PCDHGA4: variants seen among roughly 807,000 people sequenced by gnomAD.
PCDHGA4 encodes protocadherin gamma subfamily A, 4.
Under a neutral mutation model 54.6 loss-of-function variants are expected in PCDHGA4, and 38 were observed. The ratio of observed to expected loss-of-function variants is 0.70; its 90% CI spans 0.54 to 0.91. PCDHGA4 has a LOEUF of 0.91. Ranked by LOEUF, PCDHGA4 falls within the 40% of genes least tolerant of loss-of-function variation. PCDHGA4 has a pLI of 0.00. For synonymous variants in PCDHGA4, 511 were observed against 512.9 expected (o/e 1.00, Z 0.05); for missense variants, 1,298 against 1,220.9 (o/e 1.06, Z -0.94).
chr5:141,456,800 TA>T (rs1038857337), intron 1 of PCDHGA4, among the ~76,000 whole-genome samples: 2 of 151,846 alleles, frequency 1.3e-5, no homozygotes, highest in African/African-American at 4.8e-5. Flanking sequence ...CCATCTCTAC[TA>T]AAAATACAAA....
In PCDHGA4 at chr5:141,423,113, C is replaced by G. The variant is rs2096710947; in HGVS notation, c.2514+65492C>G. On this transcript the variant is annotated intron_variant, in intron 1 of 3. Coordinates refer to ENST00000571252, the MANE Select transcript of PCDHGA4 (RefSeq NM_018917.4). The stretch of plus-strand genomic sequence containing the variant: ...GGGGAGCACACGGGCGAGGTGCGTA[C>G]AGCGCGGGCACTGCTGGACAGAGAC... The G allele has an allele frequency of 1.9e-6, 3 of 1,613,702 alleles. No homozygotes were observed. The highest frequency in any genetic ancestry group is 2.5e-6 in the Non-Finnish European group (3 of 1,179,992).
chr5:141,381,826 C>CTTTTTTTTTTTTTTT (rs770630741), intron 1 of PCDHGA4, among the ~76,000 whole-genome samples: 9 of 74,290 alleles, frequency 1.2e-4, no homozygotes, highest in Middle Eastern at 7.9e-3. Flanking sequence ...CTTTCTTCTT[C>CTTTTTTTTTTTTTTT]TTTTTTTTTT....
At chr5:141,392,691 AC>A in intron 1 of PCDHGA4, 1 of 1,132,688 alleles carries the variant, frequency 8.8e-7, no homozygotes, top group Non-Finnish European at 1.2e-6. Context: ...GCGAAACCCG[AC>A]CCCTGTTTGG....
chr5:141,423,264 C>T (rs1452323474), intron 1 of PCDHGA4: 6 of 1,613,868 alleles, frequency 3.7e-6, no homozygotes, highest in Non-Finnish European at 5.1e-6. Context: ...TCGGCAGCCT[C>T]GAGTCTCTGG....
At position 141,474,199 on chromosome 5, in the gene PCDHGA4, G is replaced by C. The variant is rs74540928; in HGVS notation, c.2515-20608G>C. Reference sequence around the variant, plus strand: ...AAAACTACTTACATTTTTAAAAGCTGATTTTCAAAAACCAGATTGTGAATT... The same window carrying C: ...AAAACTACTTACATTTTTAAAAGCTCATTTTCAAAAACCAGATTGTGAATT... On this transcript the variant is annotated intron_variant, in intron 1 of 3. Transcript: ENST00000571252. Among the ~76,000 whole-genome samples, 85 of 152,308 alleles carry C rather than the reference G, an allele frequency of 5.6e-4. 1 individual carries two copies. In the East Asian group the frequency reaches 0.016, roughly 29 times the overall value.
intron 1 of PCDHGA4, chr5:141,422,627 C>T: frequency 6.2e-7 from 1 of 1,613,350 alleles, no homozygotes; most frequent in Non-Finnish European, 8.5e-7. Flanking sequence ...GAAAACAACC[C>T]CAGGGGTGCC....
At chr5:141,496,948 G>A (rs2099772844) in intron 2 of PCDHGA4, among the ~76,000 whole-genome samples, 1 of 151,826 alleles carries the variant, frequency 6.6e-6, no homozygotes, top group Admixed American at 6.6e-5. Context: ...CACTTTGGGA[G>A]GCCAAGGTGG....
chr5:141,429,651 C>G (rs62379161), intron 1 of PCDHGA4, among the ~76,000 whole-genome samples: 5,146 of 152,188 alleles, frequency 0.034, 101 homozygotes, highest in Middle Eastern at 0.088. Context: ...TATTTCTTCC[C>G]AATTTAAAAT....
intron 1 of PCDHGA4, among the ~76,000 whole-genome samples, chr5:141,470,591 G>A (rs1271473509): frequency 1.3e-5 from 2 of 152,132 alleles, no homozygotes; most frequent in African/African-American, 4.8e-5. Flanking sequence ...ATAGGCAGGC[G>A]ACCTGTGCGG....
At chr5:141,409,573 C>T (rs562811168) in intron 1 of PCDHGA4, 4 of 1,613,934 alleles carry the variant, frequency 2.5e-6, no homozygotes, top group African/African-American at 2.7e-5. Flanking sequence ...AGACGTCCTA[C>T]GTGGTCCACG....
Position 141,387,642 on chromosome 5 carries a change from C to G in PCDHGA4, c.2514+30021C>G, listed in dbSNP as rs554256672. The G allele has an allele frequency of 4.8e-6, 3 of 622,368 alleles. No homozygotes were observed. In the Admixed American group the frequency reaches 1.0e-4, roughly 21 times the overall value. The allele number at this position is 622,368 out of a possible 1,614,324, so 38.6% of individuals were successfully genotyped here. A position where few individuals can be genotyped will look rare whatever the true frequency, so the allele number is the denominator to read the frequency against. On this transcript the variant is annotated intron_variant, in intron 1 of 3. Transcript: ENST00000571252. Reference sequence around the variant, plus strand: ...TGCTGACTCTGGGCGCCGCTGTTGGCCAAAGTGGAGAGCTTGGCGCTCCAG... The same window carrying G: ...TGCTGACTCTGGGCGCCGCTGTTGGGCAAAGTGGAGAGCTTGGCGCTCCAG...
At chr5:141,417,585 G>T in intron 1 of PCDHGA4, 1 of 462,794 alleles carries the variant, frequency 2.2e-6, no homozygotes, top group South Asian at 4.9e-5. Context: ...GTCCCACACA[G>T]AGCCTCTGGG....
At chr5:141,500,411 G>A (rs376320602) in intron 2 of PCDHGA4, among the ~76,000 whole-genome samples, 4 of 151,592 alleles carry the variant, frequency 2.6e-5, no homozygotes, top group East Asian at 2.0e-4. Context: ...GGGTTTCACC[G>A]TGTTAGCCAG....
intron 1 of PCDHGA4, chr5:141,398,657 GT>G: frequency 6.2e-7 from 1 of 1,614,018 alleles, no homozygotes; most frequent in South Asian, 1.1e-5. Context: ...CTTAACCCAA[GT>G]TTCTCATTAA....
At chr5:141,361,357 G>A (rs1349523966) in intron 1 of PCDHGA4, 1 of 1,613,920 alleles carries the variant, frequency 6.2e-7, no homozygotes, top group Admixed American at 1.7e-5. Flanking sequence ...AGTGACAGAC[G>A]GCGCTCTGGA....
At chr5:141,418,817 G>A (rs2154547923) in intron 1 of PCDHGA4, 1 of 1,613,882 alleles carries the variant, frequency 6.2e-7, no homozygotes, top group Non-Finnish European at 8.5e-7. Flanking sequence ...GATAAACATA[G>A]AAGCAAAAGA....
Position 141,392,773 on chromosome 5 carries a change from G to A in PCDHGA4, c.2514+35152G>A, listed in dbSNP as rs767754110. Reference sequence around the variant, plus strand: ...AAGAAACTAAATAAGACCCATTTATGCACAGTGAAGATTCTGAGAGGATTC... The same window carrying A: ...AAGAAACTAAATAAGACCCATTTATACACAGTGAAGATTCTGAGAGGATTC... On this transcript the variant is annotated intron_variant, in intron 1 of 3. Transcript: ENST00000571252. 4 of 1,518,312 alleles carry A rather than the reference G, an allele frequency of 2.6e-6. No homozygotes were observed. In the African/African-American group the frequency reaches 5.6e-5, roughly 21 times the overall value. The allele number at this position is 1,518,312 out of a possible 1,614,324, so 94.1% of individuals were successfully genotyped here.
At chr5:141,392,608 AT>A in intron 1 of PCDHGA4, 1 of 519,670 alleles carries the variant, frequency 1.9e-6, no homozygotes, top group Non-Finnish European at 3.3e-6. Context: ...TGGAAGACAA[AT>A]GCAACCGAAA....
chr5:141,375,314 G>T, intron 1 of PCDHGA4: 2 of 1,613,798 alleles, frequency 1.2e-6, no homozygotes, highest in Non-Finnish European at 1.7e-6. Flanking sequence ...TGCAGCTCTA[G>T]ACCGGGAAGA....
Sources: allele counts gnomAD v4.1 joint callset (sites outside exome capture counted in the v4.1 genomes callset), GRCh38; gene constraint gnomAD v4.1.1; transcripts MANE v1.5; gene names NCBI Gene and HGNC (gene_info 2026-07-23, HGNC 2026-07-21).